SGCD: variants seen among roughly 807,000 people sequenced by gnomAD.
SGCD encodes the protein delta-sarcoglycan.
SGCD carries 18 observed loss-of-function variants against 36.6 expected under a neutral mutation model. That is an observed-to-expected ratio of 0.49 (90% CI 0.34 to 0.73). The LOEUF is 0.73. Ranked by LOEUF, SGCD falls within the 30% of genes least tolerant of loss-of-function variation. The pLI, the probability that SGCD is intolerant of heterozygous loss-of-function variation, is 0.01. For missense variants in SGCD, 387 were observed against 346.7 expected, an observed-to-expected ratio of 1.12 and a Z score of -0.92; for synonymous variants, 133 against 130.6, an observed-to-expected ratio of 1.02 and a Z score of -0.12.
At chr5:156,265,332 G>C (rs1765970462) in intron 3 of SGCD, among the ~76,000 whole-genome samples, 1 of 152,122 alleles carries the variant, frequency 6.6e-6, no homozygotes. Flanking sequence ...GTGATGGATA[G>C]GAAGATTCTA....
intron 3 of SGCD, among the ~76,000 whole-genome samples, chr5:156,380,905 G>A (rs1304541126): frequency 6.6e-6 from 1 of 152,206 alleles, no homozygotes; most frequent in Non-Finnish European, 1.5e-5. Flanking sequence ...AGTAGAAGAT[G>A]TATGCTTTTC....
At chr5:156,181,902 G>A (rs1763617135) in intron 3 of SGCD, among the ~76,000 whole-genome samples, 1 of 152,208 alleles carries the variant, frequency 6.6e-6, no homozygotes. Flanking sequence ...GAATTTGGAG[G>A]ATCTGTGACT....
chr5:155,753,256 G>T, the SGCD span, among the ~76,000 whole-genome samples: 2 of 151,692 alleles, frequency 1.3e-5, no homozygotes, highest in African/African-American at 4.9e-5. Context: ...AGAATCACTT[G>T]AACCCAGGAG....
intron 3 of SGCD, among the ~76,000 whole-genome samples, chr5:156,370,271 C>G (rs1337922845): frequency 6.6e-6 from 1 of 152,058 alleles, no homozygotes; most frequent in Non-Finnish European, 1.5e-5. Context: ...GCCAAGAAGG[C>G]AGGGGTGTGG....
chr5:156,333,382 C>T (rs79672495), intron 2 of SGCD, among the ~76,000 whole-genome samples: 7,152 of 152,232 alleles, frequency 0.047, 318 homozygotes, highest in African/African-American at 0.11. Flanking sequence ...ATACAGTAGT[C>T]ACTCAATAGG....
intron 6 of SGCD, among the ~76,000 whole-genome samples, chr5:156,632,777 C>A (rs1189160725): frequency 6.6e-6 from 1 of 152,158 alleles, no homozygotes; most frequent in Non-Finnish European, 1.5e-5. Context: ...AGAGGCCAAG[C>A]TCGGTTAAAG....
At chr5:156,620,479 A>C (rs2113495589) in intron 6 of SGCD, among the ~76,000 whole-genome samples, 1 of 152,366 alleles carries the variant, frequency 6.6e-6, no homozygotes, top group Middle Eastern at 3.4e-3. Context: ...AAAATATACG[A>C]TAGAACTTGG....
chr5:156,212,292 A>G (rs1484765826), intron 3 of SGCD, among the ~76,000 whole-genome samples: 1 of 152,228 alleles, frequency 6.6e-6, no homozygotes, highest in Non-Finnish European at 1.5e-5. Context: ...GAACACATAT[A>G]GAGTGAGAGT....
chr5:156,540,913 T>G (rs1758325643), intron 4 of SGCD, among the ~76,000 whole-genome samples: 1 of 152,146 alleles, frequency 6.6e-6, no homozygotes, highest in African/African-American at 2.4e-5. Flanking sequence ...TTTTCCCGCT[T>G]CCATGGAGTT....
chr5:155,755,790 C>A, the SGCD span, among the ~76,000 whole-genome samples: 2 of 152,124 alleles, frequency 1.3e-5, no homozygotes, highest in East Asian at 3.9e-4. Flanking sequence ...CTGAATTACT[C>A]GGGAGCTGAC....
At chr5:156,030,002 A>G (rs1178645925) in intron 1 of SGCD, among the ~76,000 whole-genome samples, 1 of 151,874 alleles carries the variant, frequency 6.6e-6, no homozygotes, top group Non-Finnish European at 1.5e-5. Context: ...AATTTCCCAC[A>G]CTGAATGGAC....
chr5:156,629,787 G>A (rs1289084023), intron 6 of SGCD, among the ~76,000 whole-genome samples: 1 of 151,326 alleles, frequency 6.6e-6, no homozygotes, highest in African/African-American at 2.4e-5. Flanking sequence ...AACAGGTAGT[G>A]AGACAAATTT....
chr5:156,505,122 T>C (rs56383218), intron 3 of SGCD, among the ~76,000 whole-genome samples: 85 of 152,326 alleles, frequency 5.6e-4, no homozygotes, highest in South Asian at 1.7e-3. Context: ...AGCTAATCCA[T>C]CTGTCTATTT....
the SGCD span, among the ~76,000 whole-genome samples, chr5:155,832,831 G>A: frequency 6.6e-6 from 1 of 151,970 alleles, no homozygotes; most frequent in Non-Finnish European, 1.5e-5. Context: ...TAAGTTTCAT[G>A]GTACTTAGTT....
chr5:155,761,439 T>C, the SGCD span, among the ~76,000 whole-genome samples: 16 of 123,392 alleles, frequency 1.3e-4, no homozygotes, highest in Admixed American at 1.5e-4. Flanking sequence ...CTCTCCATCA[T>C]CCTCACCATC....
intron 1 of SGCD, among the ~76,000 whole-genome samples, chr5:155,957,442 A>G (rs1757686966): frequency 6.6e-6 from 1 of 152,162 alleles, no homozygotes; most frequent in Admixed American, 6.6e-5. Flanking sequence ...GCAGGATTAC[A>G]GTTCTGAAGG....
intron 3 of SGCD, among the ~76,000 whole-genome samples, chr5:156,211,477 G>C (rs569862611): frequency 6.6e-6 from 1 of 151,884 alleles, no homozygotes; most frequent in African/African-American, 2.4e-5. Flanking sequence ...GCGTGGTGGC[G>C]GGCGCCTGTA....
At chr5:155,820,986 A>G in the SGCD span, among the ~76,000 whole-genome samples, 1 of 152,074 alleles carries the variant, frequency 6.6e-6, no homozygotes, top group Non-Finnish European at 1.5e-5. Flanking sequence ...TGGGGCTTCG[A>G]TGGGGTAGTA....
chr5:156,536,977 G>C (rs992990947), intron 4 of SGCD, among the ~76,000 whole-genome samples: 2 of 152,044 alleles, frequency 1.3e-5, no homozygotes, highest in Admixed American at 6.6e-5. Flanking sequence ...TTCTTTCTTG[G>C]CTTTGTGACT....
Sources: allele counts gnomAD v4.1 joint callset (sites outside exome capture counted in the v4.1 genomes callset), GRCh38; gene constraint gnomAD v4.1.1; transcripts MANE v1.5; gene names NCBI Gene and HGNC (gene_info 2026-07-23, HGNC 2026-07-21).